Variants in TENM2 observed in about 807,000 individuals in gnomAD.
TENM2 encodes the protein teneurin-2.
In TENM2, 52 loss-of-function variants were observed where a neutral mutation model predicts 245.2. The ratio of observed to expected loss-of-function variants is 0.21; its 90% CI spans 0.17 to 0.27. TENM2 has a LOEUF of 0.27. Among genes scored for constraint, TENM2 ranks in the 10% least tolerant of loss-of-function variants. The pLI, the probability that TENM2 is intolerant of heterozygous loss-of-function variation, is 1.00. For missense variants in TENM2, 3,046 were observed against 3,666.8 expected (o/e 0.83, Z 4.37); for synonymous variants, 1,363 against 1,438.9 (o/e 0.95, Z 1.19).
chr5:167,988,429 A>G (rs1439638589), intron 4 of TENM2, among the ~76,000 whole-genome samples: 3 of 152,326 alleles, frequency 2.0e-5, no homozygotes, highest in Admixed American at 6.5e-5. Flanking sequence ...GCAAATATAC[A>G]TATGCATTTA....
intron 7 of TENM2, among the ~76,000 whole-genome samples, chr5:168,063,311 A>G (rs1790206957): frequency 6.6e-6 from 1 of 152,166 alleles, no homozygotes; most frequent in African/African-American, 2.4e-5. Context: ...ATTGGATTAC[A>G]TTATGGATTT....
the TENM2 span, among the ~76,000 whole-genome samples, chr5:167,098,575 G>T: frequency 2.6e-5 from 4 of 152,244 alleles, no homozygotes; most frequent in African/African-American, 9.6e-5. Flanking sequence ...TCTTATTAAA[G>T]AAGAGATTAG....
chr5:168,130,850 A>G lies in TENM2; in HGVS notation c.2422+3884A>G, dbSNP rs780787422. On this transcript the variant is annotated intron_variant, in intron 12 of 28. Coordinates refer to ENST00000518659, the Ensembl canonical transcript of TENM2. ...GATTGCAGTGAGCCAAGATCACACCATGGCACTCCAGCCTGAGTGACAGAG... is the reference window on the plus strand; with the variant it reads ...GATTGCAGTGAGCCAAGATCACACCGTGGCACTCCAGCCTGAGTGACAGAG... 5.6e-4 allele frequency among the ~76,000 whole-genome samples: 86 copies of G among 152,274 alleles called. 1 individual carries two copies. The highest frequency in any genetic ancestry group is 6.8e-3 in the Middle Eastern group (2 of 294).
intron 23 of TENM2, among the ~76,000 whole-genome samples, chr5:168,223,883 T>C (rs1408624780): frequency 6.6e-6 from 1 of 151,882 alleles, no homozygotes; most frequent in Non-Finnish European, 1.5e-5. Context: ...TTCAGAGAAT[T>C]TCTGCTCCAT....
chr5:167,272,871 G>C, the TENM2 span, among the ~76,000 whole-genome samples: 8 of 152,130 alleles, frequency 5.3e-5, no homozygotes, highest in Non-Finnish European at 2.9e-5. Flanking sequence ...ACAACTCTCT[G>C]TAGTATTTGT....
intron 13 of TENM2, among the ~76,000 whole-genome samples, chr5:168,180,148 G>T (rs1301519948): frequency 6.6e-6 from 1 of 152,164 alleles, no homozygotes; most frequent in African/African-American, 2.4e-5. Flanking sequence ...AGTAGATGGA[G>T]GTATGGCTGG....
the TENM2 span, among the ~76,000 whole-genome samples, chr5:167,068,905 G>A: frequency 6.6e-6 from 1 of 152,250 alleles, no homozygotes; most frequent in East Asian, 1.9e-4. Context: ...TTTGGAATAA[G>A]GCTGAAGTTC....
chr5:167,232,947 A>G, the TENM2 span, among the ~76,000 whole-genome samples: 11 of 152,218 alleles, frequency 7.2e-5, no homozygotes, highest in Non-Finnish European at 1.3e-4. Flanking sequence ...GCAATTTGCT[A>G]TGTGCTGGAG....
intron 1 of TENM2, among the ~76,000 whole-genome samples, chr5:167,366,771 ACT>A (rs1163768956): frequency 6.6e-6 from 1 of 151,624 alleles, no homozygotes; most frequent in African/African-American, 2.4e-5. Context: ...CTAACTCACT[ACT>A]CTCTCTTTCC....
chr5:168,155,413 G>A (rs1039121951), intron 12 of TENM2, among the ~76,000 whole-genome samples: 45 of 142,970 alleles, frequency 3.1e-4, no homozygotes, highest in African/African-American at 1.1e-3. Flanking sequence ...AGGGGGGGGG[G>A]GTCCATAATT....
chr5:167,470,478 C>CTTTTTTTTTTTTTTTTT (rs1582137507), intron 2 of TENM2, among the ~76,000 whole-genome samples: 1 of 18,932 alleles, frequency 5.3e-5, no homozygotes, highest in Non-Finnish European at 1.1e-4. Context: ...TTTTTTTTTG[C>CTTTTTTTTTTTTTTTTT]TTATGGAAGG....
intron 2 of TENM2, among the ~76,000 whole-genome samples, chr5:167,444,557 G>A (rs554192523): frequency 1.3e-5 from 2 of 152,212 alleles, no homozygotes; most frequent in East Asian, 1.9e-4. Flanking sequence ...TATACTTCAC[G>A]TAGAGAAAGA....
chr5:167,384,706 GCA>G (rs142760328), intron 2 of TENM2, among the ~76,000 whole-genome samples: 1 of 151,678 alleles, frequency 6.6e-6, no homozygotes, highest in Non-Finnish European at 1.5e-5. Flanking sequence ...ACGCGTGCGC[GCA>G]CACACGCACA....
the TENM2 span, among the ~76,000 whole-genome samples, chr5:166,987,495 A>G: frequency 6.6e-6 from 1 of 151,356 alleles, no homozygotes; most frequent in Non-Finnish European, 1.5e-5. Flanking sequence ...GCATAGCTTC[A>G]GGTGAGATCA....
the TENM2 span, among the ~76,000 whole-genome samples, chr5:166,992,673 A>T: frequency 6.6e-6 from 1 of 152,200 alleles, no homozygotes; most frequent in African/African-American, 2.4e-5. Context: ...TAATAGTAAC[A>T]AGAGATCTCT....
the TENM2 span, among the ~76,000 whole-genome samples, chr5:166,988,801 G>T: frequency 6.6e-6 from 1 of 152,146 alleles, no homozygotes; most frequent in Non-Finnish European, 1.5e-5. Context: ...AAATGTGGCT[G>T]CTTGCACAAT....
chr5:167,788,535 C>A (rs1764733404), intron 2 of TENM2, among the ~76,000 whole-genome samples: 1 of 152,040 alleles, frequency 6.6e-6, no homozygotes, highest in African/African-American at 2.4e-5. Flanking sequence ...CAGTGAAATG[C>A]CAAAGAAGAT....
chr5:167,920,357 A>C (rs1777268660), intron 3 of TENM2, among the ~76,000 whole-genome samples: 1 of 151,818 alleles, frequency 6.6e-6, no homozygotes, highest in African/African-American at 2.4e-5. Context: ...AAAAGAAAAA[A>C]AAAATCAAAA....
the TENM2 span, among the ~76,000 whole-genome samples, chr5:167,276,793 A>G: frequency 3.3e-5 from 5 of 152,128 alleles, no homozygotes; most frequent in South Asian, 1.0e-3. Context: ...TTTTATTTGT[A>G]TGATTTTTTA....
Sources: allele counts gnomAD v4.1 joint callset (sites outside exome capture counted in the v4.1 genomes callset), GRCh38; gene constraint gnomAD v4.1.1; transcripts MANE v1.5; gene names NCBI Gene and HGNC (gene_info 2026-07-23, HGNC 2026-07-21).